AHDC1: variants seen among roughly 807,000 people sequenced by gnomAD.
AHDC1 encodes the protein AT-hook DNA binding motif containing 1, also known as transcription factor Gibbin.
Under a neutral mutation model 87.9 loss-of-function variants are expected in AHDC1, and 7 were observed. That is an observed-to-expected ratio of 0.08 (90% CI 0.05 to 0.15). The LOEUF (loss-of-function observed/expected upper bound fraction) is 0.15, where lower values mean the gene tolerates loss of function less well. Ranked by LOEUF, AHDC1 falls within the 10% of genes least tolerant of loss-of-function variation. AHDC1 has a pLI of 1.00. For missense variants in AHDC1, 1,841 were observed against 2,253.2 expected (o/e 0.82, Z 3.70); for synonymous variants, 1,051 against 1,006.8 (o/e 1.04, Z -0.83).
rs1363595347 is a variant in AHDC1 at position 27,560,515 on chromosome 1, T to C, written c.-628-1632A>G. Among the ~76,000 whole-genome samples, 4 of 152,132 alleles carry C rather than the reference T, an allele frequency of 2.6e-5. No homozygotes were observed. Among genetic ancestry groups the C allele is most frequent in the Non-Finnish European group, 5.9e-5 (4 of 68,014 alleles). Reference sequence around the variant, plus strand: ...GCACTGGTGTCACTGTGGATCAGTGTTGCCTCCCTCCCACCTCTGCCTTTC... The same window carrying C: ...GCACTGGTGTCACTGTGGATCAGTGCTGCCTCCCTCCCACCTCTGCCTTTC... On this transcript the variant is annotated intron_variant, in intron 3 of 8. Coordinates refer to ENST00000673934, the MANE Select transcript of AHDC1 (RefSeq NM_001371928.1). This position sits in a 1 kb window ranked among gnomAD's most constrained non-coding sequence, Gnocchi z 4.1.
intron 3 of AHDC1, among the ~76,000 whole-genome samples, chr1:27,576,118 G>A (rs534971117): frequency 8.1e-4 from 123 of 152,332 alleles, no homozygotes; most frequent in Non-Finnish European, 1.4e-3. Flanking sequence ...CTGGCGGCCC[G>A]GCGCTCCCTC....
Position 27,550,413 on chromosome 1 carries a change from G to C in AHDC1, c.1703C>G (p.Ala568Gly). ...PGKPKEPAVV[A>G]AEAATVAAAT... Reference sequence around the variant, plus strand: ...CGCTGCCACAGTGGCTGCCTCGGCCGCCACCACAGCTGGCTCCTTGGGCTT... The same window carrying C: ...CGCTGCCACAGTGGCTGCCTCGGCCCCCACCACAGCTGGCTCCTTGGGCTT... The change falls in exon 8 of 9, where the codon GCG becomes GGG. Residue 568 changes from alanine to glycine, a missense_variant. Coordinates refer to ENST00000673934, the MANE Select transcript of AHDC1 (RefSeq NM_001371928.1). 6.2e-7 allele frequency: 1 copy of C among 1,611,320 alleles called. No homozygotes were observed. Among genetic ancestry groups the C allele is most frequent in the Non-Finnish European group, 8.5e-7 (1 of 1,178,162 alleles).
At chr1:27,546,238 G>A (rs1038630399) in intron 8 of AHDC1, among the ~76,000 whole-genome samples, 4 of 152,238 alleles carry the variant, frequency 2.6e-5, no homozygotes, top group Admixed American at 6.5e-5. Context: ...AGTGGGGCCA[G>A]TGGCGGCTGT....
rs1310941038 is a variant in AHDC1 at position 27,590,479 on chromosome 1, C to G, written c.-629+12918G>C. On this transcript the variant is annotated intron_variant, in intron 3 of 8. Coordinates refer to ENST00000673934, the MANE Select transcript of AHDC1 (RefSeq NM_001371928.1). The surrounding 1 kb of genome is among the most constrained non-coding windows in gnomAD (Gnocchi z 5.4). ...AAGTATTCCCAGGCCAGCCACCCAGCACCACCCACCCCCACCACCCCTCAG... is the reference window on the plus strand; with the variant it reads ...AAGTATTCCCAGGCCAGCCACCCAGGACCACCCACCCCCACCACCCCTCAG... Among the ~76,000 whole-genome samples, 1 of 152,030 alleles carries G rather than the reference C, an allele frequency of 6.6e-6. No homozygotes were observed. The highest frequency in any genetic ancestry group is 1.5e-5 in the Non-Finnish European group (1 of 68,002).
At position 27,547,240 on chromosome 1, in the gene AHDC1, C is replaced by A; in HGVS notation, c.*43+21G>T. The A allele has an allele frequency of 3.4e-6, 5 of 1,466,974 alleles. No homozygotes were observed. Among genetic ancestry groups the A allele is most frequent in the East Asian group, 2.3e-5 (1 of 43,534 alleles). 90.9% of individuals were successfully genotyped at this position (1,466,974 alleles called of 1,614,324 possible). On this transcript the variant is annotated intron_variant, in intron 8 of 8. Transcript: ENST00000673934. The surrounding 1 kb of genome is among the most constrained non-coding windows in gnomAD (Gnocchi z 4.9). ...CCCACCCCCAGGCCTCTGCCCACTGCGCCCACATCCCCAGACTCACCCAGG... is the reference window on the plus strand; with the variant it reads ...CCCACCCCCAGGCCTCTGCCCACTGAGCCCACATCCCCAGACTCACCCAGG...
intron 3 of AHDC1, among the ~76,000 whole-genome samples, chr1:27,566,019 C>G (rs1474906600): frequency 1.3e-5 from 2 of 152,162 alleles, no homozygotes; most frequent in African/African-American, 4.8e-5. Context: ...AAAGAGGGAT[C>G]CTTTGGGGTG....
At position 27,548,996 on chromosome 1, in the gene AHDC1, G is replaced by A. The variant is rs1398953425; in HGVS notation, c.3120C>T (p.Ser1040=). ...LPPSKASFFS[S]SEGAPFSGSA... ...AACCAGAGAAGGGGGCCCCCTCAGA[G>A]CTGCTGAAGAAGGAGGCCTTGCTTG... The change falls in exon 8 of 9, where the codon AGC becomes AGT. Residue 1040 remains serine (S), a synonymous_variant. Transcript: ENST00000673934. 6.4e-7 allele frequency: 1 copy of A among 1,572,146 alleles called. No homozygotes were observed. The highest frequency in any genetic ancestry group is 1.2e-5 in the South Asian group (1 of 85,818).
At position 27,550,053 on chromosome 1, in the gene AHDC1, C is replaced by G. The variant is rs759273828; in HGVS notation, c.2063G>C (p.Arg688Pro). 6.2e-7 allele frequency: 1 copy of G among 1,604,506 alleles called. No homozygotes were observed. The highest frequency in any genetic ancestry group is 8.5e-7 in the Non-Finnish European group (1 of 1,174,186). Reference protein sequence around the residue: ...RGGGHAAKSARCSFSDFFEGI... With the variant: ...RGGGHAAKSAPCSFSDFFEGI... The stretch of plus-strand genomic sequence containing the variant: ...CTCAAAGAAGTCACTGAAGGAGCAT[C>G]GGGCTGACTTGGCCGCATGGCCCCC... The change falls in exon 8 of 9, where the codon CGA (arginine) becomes CCA (proline). Residue 688 changes from arginine (R) to proline (P), a missense_variant. Coordinates refer to ENST00000673934, the MANE Select transcript of AHDC1 (RefSeq NM_001371928.1).
chr1:27,544,178 T>G (rs905972473), intron 8 of AHDC1, among the ~76,000 whole-genome samples: 1 of 151,772 alleles, frequency 6.6e-6, no homozygotes, highest in East Asian at 1.9e-4. Context: ...AGGCAGGGGG[T>G]TGTGGTGGGG....
At chr1:27,566,643 G>A (rs2020329727) in intron 3 of AHDC1, among the ~76,000 whole-genome samples, 1 of 139,242 alleles carries the variant, frequency 7.2e-6, no homozygotes, top group African/African-American at 2.7e-5. Flanking sequence ...AGAGTGTGGG[G>A]GGAACAGCAG....
intron 3 of AHDC1, among the ~76,000 whole-genome samples, chr1:27,575,395 G>A (rs1234817784): frequency 6.6e-6 from 1 of 152,074 alleles, no homozygotes; most frequent in Non-Finnish European, 1.5e-5. Flanking sequence ...CGCCAGACCC[G>A]AAAAGAGAGG....
chr1:27,541,065 G>T (rs3766391), intron 8 of AHDC1, among the ~76,000 whole-genome samples: 2 of 149,912 alleles, frequency 1.3e-5, no homozygotes, highest in East Asian at 3.9e-4. Context: ...CCATAATGGG[G>T]AGAATGAACT....
chr1:27,596,190 C>T (rs1012480714), intron 3 of AHDC1, among the ~76,000 whole-genome samples: 25 of 152,024 alleles, frequency 1.6e-4, no homozygotes, highest in African/African-American at 5.8e-4. Flanking sequence ...GGTGTTGAGA[C>T]AGGCAGTCCA....
At chr1:27,542,800 C>T (rs994977545) in intron 8 of AHDC1, among the ~76,000 whole-genome samples, 6 of 152,120 alleles carry the variant, frequency 3.9e-5, no homozygotes, top group Non-Finnish European at 7.3e-5. Flanking sequence ...TCGGTATGGT[C>T]GTGGAGAGAT....
intron 3 of AHDC1, among the ~76,000 whole-genome samples, chr1:27,588,068 C>T (rs2089112529): frequency 6.6e-6 from 1 of 152,230 alleles, no homozygotes; most frequent in African/African-American, 2.4e-5. Flanking sequence ...ACTGAAGCCC[C>T]AGAGCATGGC....
rs562903625 is a variant in AHDC1, at chr1:27,579,941, C to T, written c.-628-21058G>A. Among the ~76,000 whole-genome samples the T allele has an allele frequency of 5.3e-4, 81 of 152,342 alleles. 1 individual carries two copies. The South Asian group carries it at 0.012, about 23-fold the overall frequency. On this transcript the variant is annotated intron_variant, in intron 3 of 8. Transcript: ENST00000673934. ...GATCACCTCCTGCTGTGGTTCTAGA[C>T]AGTGCTGCCCGCCAGGATCTAAAAC...
At chr1:27,546,696 GC>G (rs2019183772) in intron 8 of AHDC1, among the ~76,000 whole-genome samples, 1 of 152,198 alleles carries the variant, frequency 6.6e-6, no homozygotes, top group Admixed American at 6.5e-5. Flanking sequence ...ATCCTGTGAA[GC>G]CCTTGCAGAG....
In AHDC1 at chr1:27,549,172, C is replaced by A; in HGVS notation, c.2944G>T (p.Ala982Ser). 1 of 1,575,882 alleles carries A rather than the reference C, an allele frequency of 6.3e-7. No homozygotes were observed. Among genetic ancestry groups the A allele is most frequent in the Non-Finnish European group, 8.6e-7 (1 of 1,160,318 alleles). The change falls in exon 8 of 9, where the codon GCC becomes TCC. Residue 982 changes from alanine (A) to serine (S), a missense_variant. Ala to Ser is a moderately conservative substitution (Grantham distance 99, BLOSUM62 1). Coordinates refer to ENST00000673934, the MANE Select transcript of AHDC1 (RefSeq NM_001371928.1). ...GGYGAGQSVF[A>S]PTKPFTGQDC... ...TGGCCTGTAAAGGGCTTAGTTGGGG[C>A]GAATACGCTTTGTCCGGCCCCATAG...
At chr1:27,556,289 C>T (rs1216877845) in intron 5 of AHDC1, among the ~76,000 whole-genome samples, 1 of 150,270 alleles carries the variant, frequency 6.7e-6, no homozygotes, top group Non-Finnish European at 1.5e-5. Context: ...CTCTCACTTC[C>T]GGCCTCATGA....
Sources: allele counts gnomAD v4.1 joint callset (sites outside exome capture counted in the v4.1 genomes callset), GRCh38; gene constraint gnomAD v4.1.1; non-coding constraint Gnocchi (gnomAD v3.1); transcripts MANE v1.5; gene names NCBI Gene and HGNC (gene_info 2026-07-23, HGNC 2026-07-21).